The following PKN3 variants were observed in gnomAD, a reference collection of about 807,000 sequenced individuals.
The protein encoded by PKN3 is protein kinase N3, also known as serine/threonine-protein kinase N3.
Under a neutral mutation model 113.1 loss-of-function variants are expected in PKN3, and 91 were observed. That is an observed-to-expected ratio of 0.80 (90% CI 0.68 to 0.96). The LOEUF is 0.96. PKN3 is among the 40% of genes least tolerant of loss of function. The pLI is 0.00. For missense variants in PKN3, 1,052 were observed against 1,202.2 expected (o/e 0.88, Z 1.85); for synonymous variants, 467 against 499.0 (o/e 0.94, Z 0.85).
Position 128,719,969 on chromosome 9 carries a change from C to T in PKN3, c.2328C>T (p.Ala776=), listed in dbSNP as rs762578829. ...TTGACTGCATCGTCAACATGGACGC[C>T]CCCTACCCCGGCTTTCTGTCGGTGC... The part of the protein sequence containing the change: ...EVFDCIVNMD[A]PYPGFLSVQG... Residue 776 remains alanine (A), a synonymous_variant, in exon 20 of 22, where the codon GCC becomes GCT. Coordinates refer to ENST00000291906, the MANE Select transcript of PKN3 (RefSeq NM_013355.5). 6.8e-6 allele frequency: 11 copies of T among 1,614,114 alleles called. 1 individual carries two copies. The East Asian group carries it at 2.5e-4, about 36-fold the overall frequency.
chr9:128,709,300 A>ATAG (rs1862113033), intron 6 of PKN3, among the ~76,000 whole-genome samples: 1 of 148,756 alleles, frequency 6.7e-6, no homozygotes, highest in Non-Finnish European at 1.5e-5. Context: ...AAATAAAAAA[A>ATAG]TAAAAAAATT....
chr9:128,720,589 C>T lies in PKN3; in HGVS notation c.2653C>T (p.Arg885Ter), dbSNP rs771037041. Residue 885 changes from arginine to a stop codon, truncating the protein, a stop_gained, in exon 22 of 22, where the codon CGA (arginine) becomes TGA (stop). Coordinates refer to ENST00000291906, the MANE Select transcript of PKN3 (RefSeq NM_013355.5). LOFTEE classifies it high-confidence loss of function. The surrounding 1 kb of genome is among the most constrained non-coding windows in gnomAD (Gnocchi z 5.5). ...CCGGGACTTCGACTTTGTGTCAGAG[C>T]GATTCCTGGAACCCTGAGGGCATCT... The part of the protein sequence containing the change: ...AFRDFDFVSE[R>*]FLEP 1.2e-6 allele frequency: 2 copies of T among 1,613,106 alleles called. No homozygotes were observed. Among genetic ancestry groups the T allele is most frequent in the Admixed American group, 3.3e-5 (2 of 60,004 alleles).
At chr9:128,710,223 C>T (rs535705520) in intron 6 of PKN3, among the ~76,000 whole-genome samples, 3 of 151,816 alleles carry the variant, frequency 2.0e-5, no homozygotes, top group South Asian at 2.1e-4. Context: ...CCACCGCGCC[C>T]GGCCAAAAAA....
At position 128,720,420 on chromosome 9, in the gene PKN3, C is replaced by T. The variant is rs1404209164; in HGVS notation, c.2484C>T (p.Ala828=). 2 of 1,613,330 alleles carry T rather than the reference C, an allele frequency of 1.2e-6. No homozygotes were observed. The highest frequency in any genetic ancestry group is 1.7e-5 in the Admixed American group (1 of 60,020). The change falls in exon 22 of 22, where the codon GCC becomes GCT. Residue 828 remains alanine (A), a synonymous_variant. Coordinates refer to ENST00000291906, the MANE Select transcript of PKN3 (RefSeq NM_013355.5). The surrounding 1 kb of genome is among the most constrained non-coding windows in gnomAD (Gnocchi z 5.5). ...CCACCAACTGGCAAGCCCTGCTCGCCCGCACCATCCAGCCCCCCTTCGTGC... is the reference window on the plus strand; with the variant it reads ...CCACCAACTGGCAAGCCCTGCTCGCTCGCACCATCCAGCCCCCCTTCGTGC... ...FRTTNWQALL[A]RTIQPPFVPT...
chr9:128,705,354 G>A lies in PKN3; in HGVS notation c.76G>A (p.Ala26Thr), dbSNP rs765129851. 19 of 1,586,812 alleles carry A rather than the reference G, an allele frequency of 1.2e-5. No homozygotes were observed. The highest frequency in any genetic ancestry group is 1.8e-5 in the Admixed American group (1 of 55,348). Residue 26 changes from alanine to threonine, a missense_variant, in exon 2 of 22, where the codon GCC becomes ACC. Around this residue, in one of 2 missense-constraint regions of PKN3, gnomAD observed 719 missense variants for 759.4 expected, o/e 0.95. Transcript: ENST00000291906. ...PEDEKEVIRRAIQKELKIKEG... is the reference protein window; with the variant it reads ...PEDEKEVIRRTIQKELKIKEG... ...GGATGAGAAGGAGGTGATCCGCCGG[G>A]CCATCCAGAAAGAGCTGAAGATCAA...
rs372050220 is a variant in PKN3 at position 128,718,636 on chromosome 9, C to T, written c.2125+11C>T. ...GACTCTGCAAGGAAGGTGGGGGCCG[C>T]CCATTGGGATCCATATCTCCAGCCT... is the stretch of plus-strand genomic sequence containing the variant. On this transcript the variant is annotated intron_variant, in intron 18 of 21. Transcript: ENST00000291906. The T allele has an allele frequency of 3.0e-5, 49 of 1,613,116 alleles. No homozygotes were observed. The highest frequency in any genetic ancestry group is 4.1e-5 in the Non-Finnish European group (48 of 1,179,366).
chr9:128,705,858 G>A lies in PKN3; in HGVS notation c.390G>A (p.Thr130=), dbSNP rs370925560. 5.0e-5 allele frequency: 80 copies of A among 1,599,606 alleles called. No individual in the cohort carries two copies. The East Asian group carries it at 9.9e-4, about 20-fold the overall frequency. ...AGGGGGCTGAGAACATGACCCACACGTGCGCCAGTGGCACCCCCAAGGTAA... is the reference window on the plus strand; with the variant it reads ...AGGGGGCTGAGAACATGACCCACACATGCGCCAGTGGCACCCCCAAGGTAA... ...VKQGAENMTH[T]CASGTPKERK... Residue 130 remains threonine (T), a synonymous_variant, in exon 3 of 22, where the codon ACG becomes ACA. Transcript: ENST00000291906.
intron 6 of PKN3, among the ~76,000 whole-genome samples, chr9:128,708,648 G>C (rs1862089813): frequency 6.6e-6 from 1 of 151,718 alleles, no homozygotes; most frequent in Admixed American, 6.6e-5. Flanking sequence ...ATTTCTAGAC[G>C]AGCCTGGGCA....
In PKN3 at chr9:128,715,219, G is replaced by A. The variant is rs146680071; in HGVS notation, c.1700G>A (p.Arg567Gln). 2.5e-5 allele frequency: 40 copies of A among 1,613,892 alleles called. No individual in the cohort carries two copies. In the African/African-American group the frequency reaches 4.8e-4, roughly 19 times the overall value. Residue 567 changes from arginine to glutamine, a missense_variant, in exon 14 of 22, where the codon CGG (arginine) becomes CAG (glutamine). By Grantham distance (43) the Arg-to-Gln change is conservative. Around this residue, in one of 2 missense-constraint regions of PKN3, gnomAD observed 333 missense variants for 442.8 expected, o/e 0.75. Coordinates refer to ENST00000291906, the MANE Select transcript of PKN3 (RefSeq NM_013355.5). This position sits in a 1 kb window ranked among gnomAD's most constrained non-coding sequence, Gnocchi z 4.1. ...TTCCGCTGCTTAGCTGTGCTGGGCCGGGGACACTTTGGGAAGGTAGTGGGC... is the reference window on the plus strand; with the variant it reads ...TTCCGCTGCTTAGCTGTGCTGGGCCAGGGACACTTTGGGAAGGTAGTGGGC... ...QDFRCLAVLG[R>Q]GHFGKVLLVQ...
intron 17 of PKN3, 24 bp downstream of exon 17, chr9:128,718,411 C>CG (rs777318540): frequency 2.2e-6 from 1 of 457,164 alleles, no homozygotes. Flanking sequence ...CAGGGATGCA[C>CG]GGGGGTAGGG....
At position 128,715,340 on chromosome 9, in the gene PKN3, C is replaced by T; in HGVS notation, c.1717-29C>T. Reference sequence around the variant, plus strand: ...GGTAAAGGCTCCCTGGTCTGGCCCACCTGGAGCACAACCTCTCTCTGGCCC... The same window carrying T: ...GGTAAAGGCTCCCTGGTCTGGCCCATCTGGAGCACAACCTCTCTCTGGCCC... On this transcript the variant is annotated intron_variant, in intron 14 of 21. Coordinates refer to ENST00000291906, the MANE Select transcript of PKN3 (RefSeq NM_013355.5). The surrounding 1 kb of genome is among the most constrained non-coding windows in gnomAD (Gnocchi z 4.1). 1 of 1,610,414 alleles carries T rather than the reference C, an allele frequency of 6.2e-7. No homozygotes were observed. The highest frequency in any genetic ancestry group is 8.5e-7 in the Non-Finnish European group (1 of 1,176,702).
chr9:128,711,780 G>C (rs1389161100), intron 6 of PKN3, among the ~76,000 whole-genome samples: 1 of 151,096 alleles, frequency 6.6e-6, no homozygotes, highest in African/African-American at 2.4e-5. Context: ...TGTATTTTTA[G>C]TAGAGACAGA....
chr9:128,714,636 C>T lies in PKN3; in HGVS notation c.1556C>T (p.Pro519Leu). The T allele has an allele frequency of 7.0e-7, 1 of 1,421,838 alleles. No individual in the cohort carries two copies. The highest frequency in any genetic ancestry group is 9.9e-7 in the Non-Finnish European group (1 of 1,005,100). The allele number at this position is 1,421,838 out of a possible 1,614,324, so 88.1% of individuals were successfully genotyped here. A position where few individuals can be genotyped will look rare whatever the true frequency, so the allele number is the denominator to read the frequency against. The change falls in exon 12 of 22, where the codon CCC becomes CTC. Residue 519 changes from proline to leucine, a missense_variant. By Grantham distance (98) the Pro-to-Leu change is moderately conservative. Coordinates refer to ENST00000291906, the MANE Select transcript of PKN3 (RefSeq NM_013355.5). The part of the protein sequence containing the change: ...PPPKPPRLYL[P>L]QEPTSEETPR... The stretch of plus-strand genomic sequence containing the variant: ...CCCAAGCCCCCACGCCTCTACCTCC[C>T]CCAGGAGCCAACATCCGAGGAGACT...
chr9:128,719,470 T>A (rs1171870383), intron 18 of PKN3, among the ~76,000 whole-genome samples: 11 of 152,146 alleles, frequency 7.2e-5, no homozygotes. Flanking sequence ...ATTACAGGTG[T>A]GAGCCACCGC....
intron 6 of PKN3, 24 bp from the exon 7 acceptor site, chr9:128,713,028 G>A (rs1481430446): frequency 7.0e-6 from 11 of 1,569,862 alleles, no homozygotes; most frequent in Admixed American, 5.4e-5. Context: ...ATCTGACAAC[G>A]CCCCCCGCTC....
At chr9:128,703,823 G>C (rs1240147855) in intron 1 of PKN3, 2 of 985,348 alleles carry the variant, frequency 2.0e-6, no homozygotes, top group African/African-American at 3.5e-5. Flanking sequence ...TTCCTCTGGA[G>C]GTCCCTCCGC....
intron 15 of PKN3, among the ~76,000 whole-genome samples, chr9:128,716,520 C>A (rs1564376785): frequency 6.6e-6 from 1 of 151,938 alleles, no homozygotes; most frequent in Middle Eastern, 3.4e-3. Context: ...ATCTCTTGAA[C>A]CCGGGAGGCA....
At chr9:128,710,290 C>T (rs1430201163) in intron 6 of PKN3, among the ~76,000 whole-genome samples, 1 of 151,832 alleles carries the variant, frequency 6.6e-6, no homozygotes, top group Non-Finnish European at 1.5e-5. Context: ...GCCAAATCAT[C>T]ATCAACAAAT....
Position 128,714,184 on chromosome 9 carries a change from C to T in PKN3, c.1313-13C>T, listed in dbSNP as rs1410256311. On this transcript the variant is annotated splice_polypyrimidine_tract_variant and intron_variant, in intron 10 of 21. Coordinates refer to ENST00000291906, the MANE Select transcript of PKN3 (RefSeq NM_013355.5). Reference sequence around the variant, plus strand: ...GCTGGGGTCCCGGGACTAAGCTCCCCCTTTTCTCCCAGGCCAGGACTTCCT... The same window carrying T: ...GCTGGGGTCCCGGGACTAAGCTCCCTCTTTTCTCCCAGGCCAGGACTTCCT... 5 of 1,614,034 alleles carry T rather than the reference C, an allele frequency of 3.1e-6. No homozygotes were observed. The East Asian group carries it at 6.7e-5, about 22-fold the overall frequency.
Sources: gnomAD v4.1 joint callset for allele counts (sites outside exome capture counted in the v4.1 genomes callset) on GRCh38, gnomAD v4.1.1 for gene constraint, gnomAD v4.1.1 regional missense constraint, Gnocchi (gnomAD v3.1) non-coding constraint, MANE v1.5 for transcripts, NCBI Gene and HGNC (gene_info 2026-07-23, HGNC 2026-07-21) for gene names.